The following PBX1 variants were observed in gnomAD, a reference collection of about 807,000 sequenced individuals.
PBX1 encodes the protein pre-B-cell leukemia transcription factor 1.
PBX1 carries 6 observed loss-of-function variants against 53.4 expected under a neutral mutation model. The observed-to-expected ratio is 0.11, with a 90% confidence interval of 0.06 to 0.22. The LOEUF (loss-of-function observed/expected upper bound fraction) is 0.22. Among genes scored for constraint, PBX1 ranks in the 10% least tolerant of loss-of-function variants. The pLI is 1.00. For missense variants in PBX1, 251 were observed against 551.4 expected (o/e 0.46, Z 5.46); for synonymous variants, 204 against 212.3 (o/e 0.96, Z 0.34).
intron 2 of PBX1, among the ~76,000 whole-genome samples, chr1:164,575,269 A>T (rs1654140660): frequency 6.6e-6 from 1 of 152,254 alleles, no homozygotes; most frequent in South Asian, 2.1e-4. Flanking sequence ...CGTTTGCCTC[A>T]GCTGAAATAC....
intron 2 of PBX1, among the ~76,000 whole-genome samples, chr1:164,871,794 A>G (rs1438275593): frequency 6.6e-6 from 1 of 152,076 alleles, no homozygotes; most frequent in African/African-American, 2.4e-5. Flanking sequence ...GTTGGAAGGA[A>G]ACTGCTCTCA....
chr1:164,778,759 A>G (rs1382134832), intron 2 of PBX1, among the ~76,000 whole-genome samples: 2 of 152,222 alleles, frequency 1.3e-5, no homozygotes, highest in Non-Finnish European at 2.9e-5. Flanking sequence ...TGCAAAAGGC[A>G]GCATGAAAGT....
rs547716829 is a variant in PBX1 at position 164,690,346 on chromosome 1, A to G, written c.266-102148A>G. Among the ~76,000 whole-genome samples, 9 of 152,178 alleles carry G rather than the reference A, an allele frequency of 5.9e-5. No individual in the cohort carries two copies. The East Asian group carries it at 1.4e-3, about 23-fold the overall frequency. ...CTCTGTGCTTGCATTTGGAATTAACATTTACAATTATATTTTTTGGAAGTG... is the reference window on the plus strand; with the variant it reads ...CTCTGTGCTTGCATTTGGAATTAACGTTTACAATTATATTTTTTGGAAGTG... On this transcript the variant is annotated intron_variant, in intron 2 of 8. Coordinates refer to ENST00000420696, the MANE Select transcript of PBX1 (RefSeq NM_002585.4).
intron 8 of PBX1, among the ~76,000 whole-genome samples, chr1:164,831,634 C>T (rs186863494): frequency 3.9e-5 from 6 of 152,184 alleles, no homozygotes; most frequent in Admixed American, 6.5e-5. Context: ...CGTGATTCGC[C>T]CACCTCAGCC....
intron 8 of PBX1, among the ~76,000 whole-genome samples, chr1:164,835,008 G>A (rs1234517): frequency 1 from 152,360 of 152,362 alleles, 76,179 homozygotes; most frequent in Middle Eastern, 1. Context: ...CTTTGTGCTC[G>A]TAGCCTTCTA....
At chr1:164,811,880 A>G in intron 5 of PBX1, 110 bp from the exon 6 acceptor site, 1 of 595,800 alleles carries the variant, frequency 1.7e-6, no homozygotes, top group South Asian at 3.4e-5. Flanking sequence ...ATTATAGGAT[A>G]AGACCAATTA....
chr1:164,883,131 G>C (rs1049971106), intron 2 of PBX1, among the ~76,000 whole-genome samples: 4 of 152,158 alleles, frequency 2.6e-5, no homozygotes, highest in Non-Finnish European at 4.4e-5. Flanking sequence ...AAAGACTTTA[G>C]TTAAAAACAT....
At chr1:164,725,495 C>T (rs944357903) in intron 2 of PBX1, among the ~76,000 whole-genome samples, 10 of 152,018 alleles carry the variant, frequency 6.6e-5, no homozygotes, top group African/African-American at 2.4e-4. Flanking sequence ...CGTGCTTCCC[C>T]TAACTTGCTT....
chr1:164,570,841 T>C (rs1653795289), intron 2 of PBX1, among the ~76,000 whole-genome samples: 1 of 152,224 alleles, frequency 6.6e-6, no homozygotes, highest in South Asian at 2.1e-4. Context: ...AAAGAATTCC[T>C]ATTTCTCCAT....
chr1:164,603,962 T>TTTTTTTTA (rs1557885908), intron 2 of PBX1, among the ~76,000 whole-genome samples: 2 of 127,038 alleles, frequency 1.6e-5, no homozygotes, highest in Non-Finnish European at 1.7e-5. Context: ...TTTTTTTTTT[T>TTTTTTTTA]AGAGATGAGT....
chr1:164,767,663 A>G (rs1239932429), intron 2 of PBX1, among the ~76,000 whole-genome samples: 1 of 152,034 alleles, frequency 6.6e-6, no homozygotes, highest in Non-Finnish European at 1.5e-5. Context: ...AAAAGAAAAA[A>G]AAAAAAGGCT....
chr1:164,710,132 G>A (rs1663670432), intron 2 of PBX1, among the ~76,000 whole-genome samples: 1 of 152,200 alleles, frequency 6.6e-6, no homozygotes. Flanking sequence ...TGTTCAGTGA[G>A]TATTACCTAT....
chr1:164,884,283 T>C (rs1274556694), intron 2 of PBX1, among the ~76,000 whole-genome samples: 2 of 152,334 alleles, frequency 1.3e-5, no homozygotes, highest in African/African-American at 4.8e-5. Flanking sequence ...GAGATTTTTT[T>C]CCATATTATA....
intron 2 of PBX1, among the ~76,000 whole-genome samples, chr1:164,570,600 T>G (rs1377923727): frequency 6.6e-6 from 1 of 152,226 alleles, no homozygotes; most frequent in Non-Finnish European, 1.5e-5. Flanking sequence ...CTTTATGCAG[T>G]CTATCATTGA....
chr1:164,800,147 A>AT (rs1410783226), intron 4 of PBX1, among the ~76,000 whole-genome samples: 2 of 152,184 alleles, frequency 1.3e-5, no homozygotes, highest in Admixed American at 6.5e-5. Context: ...GTACAGTGAG[A>AT]TTTTTTTCTT....
At chr1:164,672,430 T>G (rs895817148) in intron 2 of PBX1, among the ~76,000 whole-genome samples, 1 of 152,210 alleles carries the variant, frequency 6.6e-6, no homozygotes, top group Non-Finnish European at 1.5e-5. Flanking sequence ...CGCAGTGTAC[T>G]TAGATCTCGA....
At chr1:164,787,649 C>A (rs2102290340) in intron 2 of PBX1, 1 of 152,346 alleles carries the variant, frequency 6.6e-6, no homozygotes, top group South Asian at 2.1e-4. Context: ...AAAGAAAGAA[C>A]AGCAGGAGAC....
At chr1:164,710,536 C>A (rs926704578) in intron 2 of PBX1, among the ~76,000 whole-genome samples, 1 of 152,068 alleles carries the variant, frequency 6.6e-6, no homozygotes, top group African/African-American at 2.4e-5. Flanking sequence ...CTTAGCCTCC[C>A]AAGCAGCTGG....
At chr1:164,705,891 A>G (rs1044814489) in intron 2 of PBX1, among the ~76,000 whole-genome samples, 1 of 152,224 alleles carries the variant, frequency 6.6e-6, no homozygotes, top group African/African-American at 2.4e-5. Context: ...GCCTGATGTT[A>G]TTCAAGTACC....
Sources: allele counts gnomAD v4.1 joint callset (sites outside exome capture counted in the v4.1 genomes callset), GRCh38; gene constraint gnomAD v4.1.1; transcripts MANE v1.5; gene names NCBI Gene and HGNC (gene_info 2026-07-23, HGNC 2026-07-21).